PCDHGA8: variants seen among roughly 807,000 people sequenced by gnomAD.
PCDHGA8 encodes the protein protocadherin gamma subfamily A, 8, also known as protocadherin gamma-A8.
A neutral mutation model predicts 59.2 loss-of-function variants in PCDHGA8; 45 were observed. The ratio of observed to expected loss-of-function variants is 0.76; its 90% CI spans 0.60 to 0.98. The LOEUF (loss-of-function observed/expected upper bound fraction) is 0.98, where lower values mean the gene tolerates loss of function less well. Ranked by LOEUF, PCDHGA8 falls within the 50% of genes least tolerant of loss-of-function variation. The pLI, the probability that PCDHGA8 is intolerant of heterozygous loss-of-function variation, is 0.00. For synonymous variants in PCDHGA8, 531 were observed against 519.0 expected (o/e 1.02, Z -0.32); for missense variants, 1,257 against 1,196.2 (o/e 1.05, Z -0.75).
Position 141,490,743 on chromosome 5 carries a change from C to T in PCDHGA8, c.2425-4064C>T, listed in dbSNP as rs1011278142. 7.4e-6 allele frequency: 12 copies of T among 1,614,058 alleles called. No homozygotes were observed. The highest frequency in any genetic ancestry group is 1.0e-5 in the Non-Finnish European group (12 of 1,180,038). On this transcript the variant is annotated intron_variant, in intron 1 of 3. Transcript: ENST00000398604. This position sits in a 1 kb window ranked among gnomAD's most constrained non-coding sequence, Gnocchi z 5.4. ...TTGTAGGAAATCAGGTTCAGGGAGC[C>T]CCAGCCTCCTCCTTTGTGTATGTCA...
chr5:141,478,202 C>T, intron 1 of PCDHGA8: 1 of 1,614,074 alleles, frequency 6.2e-7, no homozygotes, highest in Non-Finnish European at 8.5e-7. Flanking sequence ...TTATCTACTT[C>T]TTTCTCTAAT....
chr5:141,399,735 T>A (rs909521642), intron 1 of PCDHGA8: 1 of 1,613,198 alleles, frequency 6.2e-7, no homozygotes, highest in African/African-American at 1.3e-5. Flanking sequence ...AGGGCTCGCC[T>A]GCGCTCAGCG....
At chr5:141,405,470 A>G in intron 1 of PCDHGA8, 1 of 1,108,980 alleles carries the variant, frequency 9.0e-7, no homozygotes, top group Non-Finnish European at 1.3e-6. Flanking sequence ...CCCAGGCTGG[A>G]ATGCAGTGGT....
chr5:141,405,398 CT>C, intron 1 of PCDHGA8: 1 of 1,590,264 alleles, frequency 6.3e-7, no homozygotes, highest in Non-Finnish European at 8.6e-7. Context: ...TTTTTTCTTT[CT>C]TTCTTTTCTT....
rs534356534 is a variant in PCDHGA8 at position 141,432,344 on chromosome 5, C to G, written c.2424+37107C>G. ...CGACTACGAGCAGTTCCGAGACTTG[C>G]AAGTGAAAGTGATGGCGCGGGACAA... is the stretch of plus-strand genomic sequence containing the variant. On this transcript the variant is annotated intron_variant, in intron 1 of 3. Coordinates refer to ENST00000398604, the MANE Select transcript of PCDHGA8 (RefSeq NM_032088.2). This position sits in a 1 kb window ranked among gnomAD's most constrained non-coding sequence, Gnocchi z 6.0. 1.9e-5 allele frequency: 30 copies of G among 1,614,238 alleles called. No individual in the cohort carries two copies. In the East Asian group the frequency reaches 2.5e-4, roughly 13 times the overall value.
intron 1 of PCDHGA8, chr5:141,433,151 G>T (rs2097572071): frequency 1.2e-6 from 2 of 1,614,006 alleles, no homozygotes; most frequent in African/African-American, 1.3e-5. Context: ...AGGTGATTCG[G>T]TATTTTCTAA....
At chr5:141,436,471 A>G (rs1249793994) in intron 1 of PCDHGA8, among the ~76,000 whole-genome samples, 1 of 152,204 alleles carries the variant, frequency 6.6e-6, no homozygotes, top group Non-Finnish European at 1.5e-5. Flanking sequence ...TTTCAGATGT[A>G]TCATAGAAGG....
At position 141,486,061 on chromosome 5, in the gene PCDHGA8, C is replaced by T. The variant is rs1280895997; in HGVS notation, c.2425-8746C>T. 2 of 1,614,166 alleles carry T rather than the reference C, an allele frequency of 1.2e-6. No individual in the cohort carries two copies. Among genetic ancestry groups the T allele is most frequent in the South Asian group, 1.1e-5 (1 of 91,078 alleles). On this transcript the variant is annotated intron_variant, in intron 1 of 3. Coordinates refer to ENST00000398604, the MANE Select transcript of PCDHGA8 (RefSeq NM_032088.2). The surrounding 1 kb of genome is among the most constrained non-coding windows in gnomAD (Gnocchi z 5.0). ...GTGTAAGAAACCTCTTTAGCCTGCA[C>T]CCCACTACTGGAAAGCTTACTCTTT...
intron 1 of PCDHGA8, among the ~76,000 whole-genome samples, chr5:141,482,458 C>G (rs986628162): frequency 1.4e-5 from 2 of 147,624 alleles, no homozygotes; most frequent in African/African-American, 2.6e-5. Flanking sequence ...ATTAGCATCC[C>G]TATGTGCCAG....
In PCDHGA8 at chr5:141,441,656, CT is replaced by C. The variant is rs200391207; in HGVS notation, c.2424+46421del. 8.0e-3 allele frequency: 1,976 copies of C among 247,682 alleles called. 54 individuals carry two copies. The highest frequency in any genetic ancestry group is 0.043 in the African/African-American group (1,846 of 42,486). The allele number at this position is 247,682 out of a possible 1,614,324, so 15.3% of individuals were successfully genotyped here. A position where few individuals can be genotyped will look rare whatever the true frequency, so the allele number is the denominator to read the frequency against. On this transcript the variant is annotated intron_variant, in intron 1 of 3. Coordinates refer to ENST00000398604, the MANE Select transcript of PCDHGA8 (RefSeq NM_032088.2). ...CACAGGCGCTGTGATTCTAGGTGTC[CT>C]TGAGCGCACAGTGCGCCTTCGACCA...
intron 1 of PCDHGA8, chr5:141,427,320 G>GT: frequency 2.2e-6 from 1 of 457,086 alleles, no homozygotes; most frequent in Non-Finnish European, 4.4e-6. Context: ...CCCAGACGTG[G>GT]TTTTTACTTC....
rs1179408656 is a variant in PCDHGA8, at chr5:141,395,537, A to ATTGT, written c.2424+305_2424+308dup. 1,010 of 243,944 alleles carry ATTGT rather than the reference A, an allele frequency of 4.1e-3. 17 individuals are homozygous for ATTGT. In the African/African-American group the frequency reaches 0.049, roughly 12 times the overall value. The allele number at this position is 243,944 out of a possible 1,614,324, so 15.1% of individuals were successfully genotyped here. On this transcript the variant is annotated intron_variant, in intron 1 of 3. Coordinates refer to ENST00000398604, the MANE Select transcript of PCDHGA8 (RefSeq NM_032088.2). ...ACCCGTCCATACTGGTAATTTTGCT[A>ATTGT]TTGTTTGTGTGTGTGTGTGTGTGTG... is the stretch of plus-strand genomic sequence containing the variant.
intron 1 of PCDHGA8, chr5:141,403,465 G>C (rs1268345736): frequency 6.2e-7 from 1 of 1,614,018 alleles, no homozygotes; most frequent in Non-Finnish European, 8.5e-7. Context: ...AGAGCTACCA[G>C]CTCAGCCCCA....
chr5:141,509,586 T>A (rs2154594569), intron 3 of PCDHGA8, among the ~76,000 whole-genome samples: 1 of 152,302 alleles, frequency 6.6e-6, no homozygotes, highest in East Asian at 1.9e-4. Flanking sequence ...ACAAATCAGC[T>A]GGCAATTCCG....
At chr5:141,397,753 A>G (rs1052800196) in intron 1 of PCDHGA8, among the ~76,000 whole-genome samples, 9 of 152,266 alleles carry the variant, frequency 5.9e-5, no homozygotes, top group African/African-American at 9.6e-5. Flanking sequence ...AGAAGTTGTT[A>G]TAATTTTTTA....
chr5:141,408,298 G>T (rs778209794), intron 1 of PCDHGA8: 1 of 1,613,704 alleles, frequency 6.2e-7, no homozygotes, highest in South Asian at 1.1e-5. Context: ...TGAGTGAGCC[G>T]ATCCGCTACT....
intron 1 of PCDHGA8, among the ~76,000 whole-genome samples, chr5:141,464,723 T>A (rs1166321691): frequency 6.6e-6 from 1 of 152,156 alleles, no homozygotes; most frequent in Non-Finnish European, 1.5e-5. Flanking sequence ...TTTCATATGT[T>A]TAAAAGCCAG....
At chr5:141,505,308 G>A in intron 2 of PCDHGA8, 85 bp from the exon 3 acceptor site, 1 of 1,598,660 alleles carries the variant, frequency 6.3e-7, no homozygotes, top group Non-Finnish European at 8.5e-7. Flanking sequence ...TAGGGTACTA[G>A]GTTTGGGAGC....
chr5:141,415,434 C>T, intron 1 of PCDHGA8: 2 of 1,614,192 alleles, frequency 1.2e-6, no homozygotes, highest in Non-Finnish European at 1.7e-6. Context: ...TTCGGGCTTT[C>T]CTGCAGACCT....
Sources: gnomAD v4.1 joint callset for allele counts (sites outside exome capture counted in the v4.1 genomes callset) on GRCh38, gnomAD v4.1.1 for gene constraint, Gnocchi (gnomAD v3.1) non-coding constraint, MANE v1.5 for transcripts, NCBI Gene and HGNC (gene_info 2026-07-23, HGNC 2026-07-21) for gene names.